Variants in MYO10 observed in about 807,000 individuals in gnomAD.
MYO10 encodes unconventional myosin-X.
A neutral mutation model predicts 257.3 loss-of-function variants in MYO10; 133 were observed. That is an observed-to-expected ratio of 0.52 (90% CI 0.45 to 0.60). The LOEUF (loss-of-function observed/expected upper bound fraction) is 0.60. MYO10 is among the 20% of genes least tolerant of loss of function. The pLI is 0.00. For synonymous variants in MYO10, 1,104 were observed against 1,028.6 expected (o/e 1.07, Z -1.40); for missense variants, 2,399 against 2,635.7 (o/e 0.91, Z 1.97).
rs1287455123 is a variant in MYO10 at position 16,911,713 on chromosome 5, C to CT, written c.21+24074dup. ...CACCACTGCACTCCATCCTGGGTAA[C>CT]TGAGTGAGATCCTGTCTTAGACCAA... On this transcript the variant is annotated intron_variant, in intron 1 of 40. Transcript: ENST00000513610. Among the ~76,000 whole-genome samples the CT allele has an allele frequency of 3.9e-5, 6 of 152,006 alleles. 1 individual carries two copies. Among genetic ancestry groups the CT allele is most frequent in the African/African-American group, 1.5e-4 (6 of 41,366 alleles).
intron 2 of MYO10, among the ~76,000 whole-genome samples, chr5:16,831,989 C>T (rs1181929494): frequency 6.6e-6 from 1 of 152,158 alleles, no homozygotes; most frequent in Non-Finnish European, 1.5e-5. Flanking sequence ...GTCACCCAGC[C>T]TGGAGTGCAG....
intron 19 of MYO10, chr5:16,738,520 C>T (rs1316058202): frequency 2.1e-6 from 1 of 487,006 alleles, no homozygotes; most frequent in Non-Finnish European, 2.7e-6. Context: ...TCTCCCTTCT[C>T]AGCAGGTGTA....
At chr5:16,667,402 T>A (rs1267453895) in intron 40 of MYO10, among the ~76,000 whole-genome samples, 3 of 152,186 alleles carry the variant, frequency 2.0e-5, no homozygotes, top group Admixed American at 6.5e-5. Context: ...GCAGGCATCA[T>A]AACCGGCTTC....
Position 16,666,839 on chromosome 5 carries a change from C to T in MYO10, c.6076-46G>A, listed in dbSNP as rs943117470. ...CCGACACAGCGTCACAAGTCTCCCC[C>T]AGGCAAAGGGCCCTGCCTAATAATC... On this transcript the variant is annotated intron_variant, in intron 40 of 40. Transcript: ENST00000513610. 41 of 1,462,682 alleles carry T rather than the reference C, an allele frequency of 2.8e-5. No individual in the cohort carries two copies. In the African/African-American group the frequency reaches 4.5e-4, roughly 16 times the overall value. 90.6% of individuals were successfully genotyped at this position (1,462,682 alleles called of 1,614,324 possible). A position where few individuals can be genotyped will look rare whatever the true frequency, so the allele number is the denominator to read the frequency against.
At chr5:16,837,559 C>A (rs1231162171) in intron 2 of MYO10, among the ~76,000 whole-genome samples, 1 of 152,082 alleles carries the variant, frequency 6.6e-6, no homozygotes, top group East Asian at 1.9e-4. Context: ...GTGATGACTG[C>A]ACAACTCTGT....
intron 3 of MYO10, among the ~76,000 whole-genome samples, chr5:16,811,193 T>A (rs1323175305): frequency 6.6e-6 from 1 of 151,914 alleles, no homozygotes; most frequent in African/African-American, 2.4e-5. Context: ...ACCACTGACA[T>A]CTTAGGCCAG....
intron 3 of MYO10, among the ~76,000 whole-genome samples, chr5:16,806,121 G>C (rs896705724): frequency 1.3e-5 from 2 of 151,876 alleles, no homozygotes; most frequent in African/African-American, 4.8e-5. Context: ...GAGGCAGGTG[G>C]GTCATTTGAG....
At chr5:16,932,454 C>G (rs879410673) in intron 1 of MYO10, among the ~76,000 whole-genome samples, 1 of 152,104 alleles carries the variant, frequency 6.6e-6, no homozygotes, top group Admixed American at 6.5e-5. Flanking sequence ...CCTGGTTGAG[C>G]CTTTTCTGTT....
chr5:16,804,847 T>C (rs1046448155), intron 3 of MYO10, among the ~76,000 whole-genome samples: 3 of 151,798 alleles, frequency 2.0e-5, no homozygotes, highest in African/African-American at 7.3e-5. Flanking sequence ...CCTGGGGAGG[T>C]CAAGGCTGTA....
chr5:16,699,808 G>GGAAAA (rs1319687406), intron 25 of MYO10, among the ~76,000 whole-genome samples: 321 of 136,160 alleles, frequency 2.4e-3, no homozygotes, highest in African/African-American at 8.9e-3. Context: ...AAAAAAAAAA[G>GGAAAA]GGAAAAGGAA....
chr5:16,837,516 C>T (rs253333), intron 2 of MYO10, among the ~76,000 whole-genome samples: 53,947 of 151,908 alleles, frequency 0.36, 11,107 homozygotes, highest in African/African-American at 0.58. Flanking sequence ...GGTTTTCTTT[C>T]GGGGTGATGA....
At chr5:16,668,227 C>T in intron 40 of MYO10, 50 bp downstream of exon 40, 1 of 1,528,082 alleles carries the variant, frequency 6.5e-7, no homozygotes, top group Admixed American at 2.1e-5. Context: ...TCCTGTTTTT[C>T]TGTTTTGTCA....
chr5:16,834,942 G>A (rs778286015), intron 2 of MYO10, among the ~76,000 whole-genome samples: 1 of 152,184 alleles, frequency 6.6e-6, no homozygotes, highest in Non-Finnish European at 1.5e-5. Flanking sequence ...TTGGGAGGCC[G>A]AGGCAGGCGG....
chr5:16,888,363 TACA>T (rs1468838857), intron 1 of MYO10, among the ~76,000 whole-genome samples: 1 of 150,282 alleles, frequency 6.7e-6, no homozygotes, highest in Non-Finnish European at 1.5e-5. Context: ...ACTTCATCTC[TACA>T]ACATTTTTTT....
rs1177333473 is a variant in MYO10, at chr5:16,799,920, C to T, written c.280-5087G>A. Among the ~76,000 whole-genome samples the T allele has an allele frequency of 2.0e-5, 3 of 152,186 alleles. No homozygotes were observed. In the East Asian group the frequency reaches 5.8e-4, roughly 29 times the overall value. ...CATCGGGATACTCTCCTCTGCTAAG[C>T]CGAGTCCCTGCCACCCCACACTACT... On this transcript the variant is annotated intron_variant, in intron 3 of 40. Transcript: ENST00000513610.
At chr5:16,679,408 C>T (rs1451776362) in intron 33 of MYO10, among the ~76,000 whole-genome samples, 2 of 152,068 alleles carry the variant, frequency 1.3e-5, no homozygotes, top group African/African-American at 2.4e-5. Flanking sequence ...GGTGACTCAG[C>T]GAAAATGTCT....
At chr5:16,805,827 T>C (rs1580010029) in intron 3 of MYO10, among the ~76,000 whole-genome samples, 2 of 152,242 alleles carry the variant, frequency 1.3e-5, no homozygotes, top group Middle Eastern at 6.8e-3. Flanking sequence ...TTTTAATAAT[T>C]TGGAACAGCT....
At chr5:16,913,423 T>C in intron 1 of MYO10, among the ~76,000 whole-genome samples, 1 of 152,214 alleles carries the variant, frequency 6.6e-6, no homozygotes, top group South Asian at 2.1e-4. Flanking sequence ...TCCTTGTATA[T>C]ACGTGTATGG....
rs141672007 is a variant in MYO10 at position 16,910,428 on chromosome 5, C to T, written c.21+25360G>A. On this transcript the variant is annotated intron_variant, in intron 1 of 40. Coordinates refer to ENST00000513610, the MANE Select transcript of MYO10 (RefSeq NM_012334.3). The stretch of plus-strand genomic sequence containing the variant: ...GTCAGAGATCCACCCAGGTCTTCTG[C>T]CCTTTATTCCATAGTGTGACATCTA... Among the ~76,000 whole-genome samples, 349 of 152,174 alleles carry T rather than the reference C, an allele frequency of 2.3e-3. 2 individuals carry two copies. Among genetic ancestry groups the T allele is most frequent in the African/African-American group, 8.1e-3 (337 of 41,506 alleles).
Sources: gnomAD v4.1 joint callset for allele counts (sites outside exome capture counted in the v4.1 genomes callset) on GRCh38, gnomAD v4.1.1 for gene constraint, MANE v1.5 for transcripts, NCBI Gene and HGNC (gene_info 2026-07-23, HGNC 2026-07-21) for gene names.